NKAIN4: variants seen among roughly 807,000 people sequenced by gnomAD.
NKAIN4 encodes the protein sodium/potassium transporting ATPase interacting 4, also known as sodium/potassium-transporting ATPase subunit beta-1-interacting protein 4.
NKAIN4 carries 28 observed loss-of-function variants against 28.8 expected under a neutral mutation model. The ratio of observed to expected loss-of-function variants is 0.97; its 90% CI spans 0.72 to 1.33. NKAIN4 has a LOEUF of 1.33. Ranked by LOEUF, NKAIN4 falls within the 40% of genes most tolerant of loss-of-function variation. NKAIN4 has a pLI of 0.00. For missense variants in NKAIN4, 289 were observed against 277.2 expected (o/e 1.04, Z -0.30); for synonymous variants, 122 against 115.6 (o/e 1.06, Z -0.36).
At chr20:63,254,168 G>A in intron 1 of NKAIN4, 1 of 420,100 alleles carries the variant, frequency 2.4e-6, no homozygotes, top group Non-Finnish European at 4.2e-6. Flanking sequence ...ACCCGCGGCC[G>A]CCCCCCGCGC....
chr20:63,241,494 CACTT>C lies in NKAIN4; in HGVS notation c.626_*2del, dbSNP rs1344593557. 10 of 1,550,422 alleles carry C rather than the reference CACTT, an allele frequency of 6.4e-6. No homozygotes were observed. Among genetic ancestry groups the C allele is most frequent in the Non-Finnish European group, 7.8e-6 (9 of 1,146,988 alleles). ...ACAGGAGCAGGATCAGCTGTTTCCT[CACTT>C]ACGCAGGCCTGTGGGGACAAGGTCA... is the stretch of plus-strand genomic sequence containing the variant. On this transcript the variant is annotated stop_retained_variant and 3_prime_UTR_variant, in exon 7 of 7. Coordinates refer to ENST00000370316, the MANE Select transcript of NKAIN4 (RefSeq NM_152864.4).
intron 6 of NKAIN4, 26 bp from the exon 7 acceptor site, chr20:63,241,532 C>G (rs751389433): frequency 6.5e-7 from 1 of 1,549,280 alleles, no homozygotes; most frequent in African/African-American, 1.4e-5. Context: ...CAGAGAGCAC[C>G]TGGGGGAACA....
At chr20:63,254,168 G>GC (rs1568716015) in intron 1 of NKAIN4, 16 of 420,040 alleles carry the variant, frequency 3.8e-5, no homozygotes, top group South Asian at 1.2e-4. Context: ...ACCCGCGGCC[G>GC]CCCCCCGCGC....
chr20:63,243,897 G>A (rs1395017579), intron 5 of NKAIN4, 127 bp downstream of exon 5: 6 of 741,486 alleles, frequency 8.1e-6, no homozygotes, highest in South Asian at 3.5e-5. Context: ...CGTGAGCAAG[G>A]CCCTGCTGGG....
chr20:63,252,796 TC>T lies in NKAIN4; in HGVS notation c.54+1600del, dbSNP rs2066983874. ...TTCCAAGGGCCTGCATGTGCGCCCA[TC>T]TGTCTACTGTCCACCGCAGAGGTGA... is the stretch of plus-strand genomic sequence containing the variant. On this transcript the variant is annotated intron_variant, in intron 1 of 6. Transcript: ENST00000370316. The surrounding 1 kb of genome is among the most constrained non-coding windows in gnomAD (Gnocchi z 4.6). Among the ~76,000 whole-genome samples, 2 of 152,136 alleles carry T rather than the reference TC, an allele frequency of 1.3e-5. No homozygotes were observed. Among genetic ancestry groups the T allele is most frequent in the African/African-American group, 4.8e-5 (2 of 41,418 alleles).
In NKAIN4 at chr20:63,252,087, C is replaced by A. The variant is rs1304506673; in HGVS notation, c.55-2015G>T. Reference sequence around the variant, plus strand: ...GGCTAAGGGGTCTCGGCCTGAGGAGCAGCCTCAGGTCTGGCTCCAGAATGG... The same window carrying A: ...GGCTAAGGGGTCTCGGCCTGAGGAGAAGCCTCAGGTCTGGCTCCAGAATGG... On this transcript the variant is annotated intron_variant, in intron 1 of 6. Coordinates refer to ENST00000370316, the MANE Select transcript of NKAIN4 (RefSeq NM_152864.4). This position sits in a 1 kb window ranked among gnomAD's most constrained non-coding sequence, Gnocchi z 4.6. Among the ~76,000 whole-genome samples, 2 of 152,204 alleles carry A rather than the reference C, an allele frequency of 1.3e-5. No individual in the cohort carries two copies. Among genetic ancestry groups the A allele is most frequent in the African/African-American group, 4.8e-5 (2 of 41,454 alleles).
chr20:63,251,165 GGAGAGAGA>G (rs61072358), intron 1 of NKAIN4, among the ~76,000 whole-genome samples: 1 of 151,092 alleles, frequency 6.6e-6, no homozygotes, highest in African/African-American at 2.4e-5. Context: ...CAGAGAGAGA[GGAGAGAGA>G]GAGAGAGAGA....
intron 2 of NKAIN4, 100 bp from the exon 3 acceptor site, chr20:63,248,995 G>T: frequency 1.2e-6 from 1 of 800,972 alleles, no homozygotes; most frequent in Non-Finnish European, 2.1e-6. Context: ...TCGCATAGGA[G>T]GGGCGGCCTC....
chr20:63,250,107 C>A, intron 1 of NKAIN4, 35 bp from the exon 2 acceptor site: 1 of 1,532,706 alleles, frequency 6.5e-7, no homozygotes, highest in Non-Finnish European at 8.8e-7. Context: ...AGGGTGGACC[C>A]GAGGGAGGCC....
rs573831787 is a variant in NKAIN4, at chr20:63,244,049, G to T, written c.507C>A (p.Ser169Arg). 192 of 1,613,802 alleles carry T rather than the reference G, an allele frequency of 1.2e-4. No homozygotes were observed. Among genetic ancestry groups the T allele is most frequent in the Non-Finnish European group, 1.6e-4 (187 of 1,179,862 alleles). The change falls in exon 5 of 7, where the codon AGC becomes AGA. Residue 169 changes from serine (S) to arginine (R), a missense_variant. Ser to Arg is a moderately radical substitution (Grantham distance 110). Transcript: ENST00000370316. Reference sequence around the variant, plus strand: ...AGCTGTCCTCTTCCTCCGTAAACACGCTGACCACCTGGCAGCCACAGACAA... The same window carrying T: ...AGCTGTCCTCTTCCTCCGTAAACACTCTGACCACCTGGCAGCCACAGACAA... ...LGFVCGCQVV[S>R]VFTEEEDSFD... is the part of the protein sequence containing the mutation.
intron 1 of NKAIN4, among the ~76,000 whole-genome samples, chr20:63,251,107 G>A (rs189439054): frequency 1.3e-5 from 2 of 152,266 alleles, no homozygotes; most frequent in East Asian, 3.9e-4. Flanking sequence ...GGTCACGTGG[G>A]TCACATGTCC....
chr20:63,254,672 A>G (rs1482336580), upstream of NKAIN4: 1 of 323,200 alleles, frequency 3.1e-6, no homozygotes, highest in Admixed American at 5.1e-5. Context: ...CCGGCCGGAG[A>G]GGGGGACCGT....
chr20:63,254,595 A>T (rs1278764871), upstream of NKAIN4: 1 of 437,474 alleles, frequency 2.3e-6, no homozygotes, highest in African/African-American at 4.9e-5. Flanking sequence ...GCCCAGCCCC[A>T]GCCCCGGGTA....
rs1354996405 is a variant in NKAIN4, at chr20:63,252,833, TGA to T, written c.54+1562_54+1563del. 6.6e-6 allele frequency among the ~76,000 whole-genome samples: 1 copy of T among 152,128 alleles called. No homozygotes were observed. The highest frequency in any genetic ancestry group is 1.5e-5 in the Non-Finnish European group (1 of 68,012). On this transcript the variant is annotated intron_variant, in intron 1 of 6. Transcript: ENST00000370316. This position sits in a 1 kb window ranked among gnomAD's most constrained non-coding sequence, Gnocchi z 4.6. Reference sequence around the variant, plus strand: ...CCACCGCAGAGGTGAAACGGGAACATGACCCCACCCGCCCCTCTGCACCCTGA... The same window carrying T: ...CCACCGCAGAGGTGAAACGGGAACATCCCCACCCGCCCCTCTGCACCCTGA...
intron 1 of NKAIN4, chr20:63,253,591 GAAGCA>G (rs1439807644): frequency 1.2e-6 from 1 of 859,466 alleles, no homozygotes; most frequent in African/African-American, 1.8e-5. Flanking sequence ...AATTAGCATC[GAAGCA>G]AAGCAGCTTC....
intron 4 of NKAIN4, 140 bp downstream of exon 4, chr20:63,247,438 G>A: frequency 6.5e-7 from 1 of 1,542,938 alleles, no homozygotes; most frequent in Non-Finnish European, 8.7e-7. Context: ...AACCTCTCCA[G>A]CAAGGGTGGG....
At chr20:63,243,718 C>A (rs985492122) in intron 5 of NKAIN4, 1 of 262,688 alleles carries the variant, frequency 3.8e-6, no homozygotes, top group Non-Finnish European at 7.2e-6. Context: ...CCTGGGCAGT[C>A]TGAGCTCAGA....
intron 1 of NKAIN4, among the ~76,000 whole-genome samples, chr20:63,250,317 C>T (rs575270009): frequency 3.9e-5 from 6 of 152,222 alleles, no homozygotes; most frequent in Non-Finnish European, 7.3e-5. Context: ...GCCTGACAGG[C>T]CCCCTTGTGT....
chr20:63,242,471 C>A lies in NKAIN4; in HGVS notation c.617+68G>T. 2 of 1,092,022 alleles carry A rather than the reference C, an allele frequency of 1.8e-6. 1 individual carries two copies. Among genetic ancestry groups the A allele is most frequent in the South Asian group, 2.5e-5 (2 of 80,084 alleles). 67.6% of individuals were successfully genotyped at this position (1,092,022 alleles called of 1,614,324 possible). On this transcript the variant is annotated intron_variant, in intron 6 of 6. Transcript: ENST00000370316. ...TGCCTGGTGAGGCCCCCAAGGAAGG[C>A]AGCCTCTCGCTGTGAGGGCCAGATT...
Sources: gnomAD v4.1 joint callset for allele counts (sites outside exome capture counted in the v4.1 genomes callset) on GRCh38, gnomAD v4.1.1 for gene constraint, Gnocchi (gnomAD v3.1) non-coding constraint, MANE v1.5 for transcripts, NCBI Gene and HGNC (gene_info 2026-07-23, HGNC 2026-07-21) for gene names.